The following CDKAL1 variants were observed in gnomAD, a reference collection of about 807,000 sequenced individuals.
CDKAL1 encodes the protein threonylcarbamoyladenosine tRNA methylthiotransferase.
In CDKAL1, 32 loss-of-function variants were observed where a neutral mutation model predicts 68.2. The observed-to-expected ratio is 0.47, with a 90% CI of 0.35 to 0.63. CDKAL1 has a LOEUF of 0.63. Among genes scored for constraint, CDKAL1 ranks in the 30% least tolerant of loss-of-function variants. The pLI is 0.00. For missense variants in CDKAL1, 606 were observed against 696.7 expected (o/e 0.87, Z 1.47); for synonymous variants, 234 against 244.3 (o/e 0.96, Z 0.39).
intron 8 of CDKAL1, among the ~76,000 whole-genome samples, chr6:20,804,996 G>C (rs1776509154): frequency 6.6e-6 from 1 of 152,150 alleles, no homozygotes; most frequent in Admixed American, 6.5e-5. Flanking sequence ...CTTCACTCCA[G>C]CCTGGGTGAG....
At chr6:20,954,350 T>G (rs1764678889) in intron 9 of CDKAL1, among the ~76,000 whole-genome samples, 1 of 152,210 alleles carries the variant, frequency 6.6e-6, no homozygotes, top group Admixed American at 6.5e-5. Context: ...TCTTCTGTTC[T>G]GTCAACTAAA....
At chr6:21,111,308 C>G (rs1169208669) in intron 13 of CDKAL1, among the ~76,000 whole-genome samples, 1 of 152,186 alleles carries the variant, frequency 6.6e-6, no homozygotes, top group Non-Finnish European at 1.5e-5. Flanking sequence ...CTCAGAAATG[C>G]AACTCCTATT....
intron 4 of CDKAL1, among the ~76,000 whole-genome samples, chr6:20,611,265 TTTAA>T (rs1412873838): frequency 3.3e-5 from 5 of 152,146 alleles, no homozygotes; most frequent in Non-Finnish European, 7.3e-5. Context: ...CTGGAAAGGT[TTTAA>T]GTTTGTCCTT....
chr6:21,119,949 C>A (rs1197899832), intron 13 of CDKAL1, among the ~76,000 whole-genome samples: 1 of 152,158 alleles, frequency 6.6e-6, no homozygotes, highest in South Asian at 2.1e-4. Flanking sequence ...CTCTGTTGTT[C>A]AGGGAAGAGA....
chr6:20,856,209 TA>T (rs1264338359), intron 9 of CDKAL1, among the ~76,000 whole-genome samples: 1 of 152,192 alleles, frequency 6.6e-6, no homozygotes, highest in Admixed American at 6.5e-5. Context: ...TGGGAAGACT[TA>T]ACCAAGAGGG....
chr6:20,946,227 TC>T, intron 9 of CDKAL1, among the ~76,000 whole-genome samples: 1 of 152,258 alleles, frequency 6.6e-6, no homozygotes, highest in African/African-American at 2.4e-5. Context: ...CACGAAACTC[TC>T]ACTCACTTCA....
intron 5 of CDKAL1, among the ~76,000 whole-genome samples, chr6:20,690,845 A>G (rs74720183): frequency 0.015 from 2,280 of 152,306 alleles, 49 homozygotes; most frequent in African/African-American, 0.052. Flanking sequence ...TACAGATGTC[A>G]TGTGAGTTCA....
intron 13 of CDKAL1, among the ~76,000 whole-genome samples, chr6:21,122,439 G>T (rs902755668): frequency 2.0e-5 from 3 of 152,110 alleles, no homozygotes; most frequent in African/African-American, 7.2e-5. Context: ...TTACTTCACA[G>T]AGTCTATATC....
At chr6:21,124,008 CT>C in intron 13 of CDKAL1, among the ~76,000 whole-genome samples, 1 of 152,162 alleles carries the variant, frequency 6.6e-6, no homozygotes, top group Non-Finnish European at 1.5e-5. Flanking sequence ...GTACTTGTTG[CT>C]TTAAACATTC....
intron 9 of CDKAL1, among the ~76,000 whole-genome samples, chr6:20,864,495 A>G (rs933701994): frequency 2.0e-5 from 3 of 152,190 alleles, no homozygotes; most frequent in Admixed American, 6.5e-5. Context: ...TACATTTTAC[A>G]TATTCTACTA....
At chr6:20,713,595 G>T (rs182938128) in intron 5 of CDKAL1, among the ~76,000 whole-genome samples, 85 of 152,060 alleles carry the variant, frequency 5.6e-4, no homozygotes, top group Non-Finnish European at 8.5e-4. Context: ...AAAAGGATAT[G>T]GTAAGCACAT....
intron 13 of CDKAL1, among the ~76,000 whole-genome samples, chr6:21,193,789 C>T (rs1016953949): frequency 2.0e-5 from 3 of 152,156 alleles, no homozygotes; most frequent in East Asian, 3.8e-4. Context: ...ATTCTCTTGA[C>T]GCCACCCACC....
chr6:20,990,779 A>G (rs1432945827), intron 10 of CDKAL1, among the ~76,000 whole-genome samples: 3 of 152,218 alleles, frequency 2.0e-5, no homozygotes, highest in African/African-American at 7.2e-5. Flanking sequence ...GTCTTATTCT[A>G]TCTTATATGA....
Position 20,992,031 on chromosome 6 carries a change from C to CTTT in CDKAL1, c.910-8176_910-8174dup, listed in dbSNP as rs71530401. Among the ~76,000 whole-genome samples, 229 of 100,380 alleles carry CTTT rather than the reference C, an allele frequency of 2.3e-3. 9 individuals carry two copies. Among genetic ancestry groups the CTTT allele is most frequent in the African/African-American group, 3.2e-3 (75 of 23,528 alleles). 65.9% of individuals were successfully genotyped at this position (100,380 alleles called of 152,430 possible). ...TTTCCCCCACCTTTTTTTTTCTTTTCTTTTTTTTTTTTTTTTTTTTTTGAG... is the reference window on the plus strand; with the variant it reads ...TTTCCCCCACCTTTTTTTTTCTTTTCTTTTTTTTTTTTTTTTTTTTTTTTTGAG... On this transcript the variant is annotated intron_variant, in intron 10 of 15. Coordinates refer to ENST00000274695, the MANE Select transcript of CDKAL1 (RefSeq NM_017774.3).
chr6:20,597,691 A>G (rs1765894941), intron 4 of CDKAL1, among the ~76,000 whole-genome samples: 1 of 152,252 alleles, frequency 6.6e-6, no homozygotes, highest in African/African-American at 2.4e-5. Flanking sequence ...CTGGGATTAC[A>G]GGCGTGAGCC....
chr6:21,214,619 C>T (rs760391518), intron 15 of CDKAL1, among the ~76,000 whole-genome samples: 4 of 152,084 alleles, frequency 2.6e-5, no homozygotes, highest in Non-Finnish European at 5.9e-5. Context: ...TCAGTGAGGT[C>T]ACCCTGGGCA....
At chr6:21,149,585 G>A (rs759213111) in intron 13 of CDKAL1, among the ~76,000 whole-genome samples, 16 of 152,182 alleles carry the variant, frequency 1.1e-4, no homozygotes, top group Admixed American at 2.0e-4. Context: ...AAAGCCTCAC[G>A]ATTCCTCACA....
chr6:20,990,735 C>T (rs1452509685), intron 10 of CDKAL1, among the ~76,000 whole-genome samples: 1 of 152,184 alleles, frequency 6.6e-6, no homozygotes, highest in Non-Finnish European at 1.5e-5. Context: ...TGTTACAGTG[C>T]CATTAATGAA....
chr6:21,010,576 T>A (rs979185295), intron 11 of CDKAL1, among the ~76,000 whole-genome samples: 5 of 152,148 alleles, frequency 3.3e-5, no homozygotes, highest in African/African-American at 1.2e-4. Flanking sequence ...TGAGCCCTCA[T>A]TATGTGAATG....
Sources: allele counts gnomAD v4.1 joint callset (sites outside exome capture counted in the v4.1 genomes callset), GRCh38; gene constraint gnomAD v4.1.1; transcripts MANE v1.5; gene names NCBI Gene and HGNC (gene_info 2026-07-23, HGNC 2026-07-21).